The following WWOX variants were observed in gnomAD, a reference collection of about 807,000 sequenced individuals.
WWOX encodes the protein WW domain-containing oxidoreductase.
A neutral mutation model predicts 46.2 loss-of-function variants in WWOX; 69 were observed. The observed-to-expected ratio is 1.49, with a 90% confidence interval of 1.23 to 1.82. The LOEUF is 1.82. Ranked by LOEUF, WWOX falls within the 40% of genes most tolerant of loss-of-function variation. The pLI is 0.00. For synonymous variants in WWOX, 359 were observed against 202.6 expected (o/e 1.77, Z -6.56); for missense variants, 919 against 542.6 (o/e 1.69, Z -6.89).
rs1037076467 is a variant in WWOX at position 79,024,315 on chromosome 16, G to C, written c.1057-187293G>C. Among the ~76,000 whole-genome samples the C allele has an allele frequency of 4.6e-5, 7 of 152,214 alleles. No homozygotes were observed. The East Asian group carries it at 7.7e-4, about 17-fold the overall frequency. On this transcript the variant is annotated intron_variant, in intron 8 of 8. Coordinates refer to ENST00000566780, the MANE Select transcript of WWOX (RefSeq NM_016373.4). Reference sequence around the variant, plus strand: ...ACGCTGCTGCGTAGGTTGTGGTGCAGTGGCACAGTCACAGCTCACTGCAGC... The same window carrying C: ...ACGCTGCTGCGTAGGTTGTGGTGCACTGGCACAGTCACAGCTCACTGCAGC...
At chr16:78,710,711 C>T (rs1232827046) in intron 8 of WWOX, among the ~76,000 whole-genome samples, 1 of 151,050 alleles carries the variant, frequency 6.6e-6, no homozygotes, top group South Asian at 2.1e-4. Flanking sequence ...ACCTCCTGGG[C>T]TCAACTGATT....
intron 8 of WWOX, among the ~76,000 whole-genome samples, chr16:78,628,172 GCTTGGAATT>G (rs545061886): frequency 2.4e-3 from 368 of 152,300 alleles, no homozygotes; most frequent in African/African-American, 8.5e-3. Context: ...AAAGCTGGAT[GCTTGGAATT>G]GTCATGGCTG....
chr16:78,548,938 G>C (rs1248257929), intron 8 of WWOX, among the ~76,000 whole-genome samples: 1 of 152,102 alleles, frequency 6.6e-6, no homozygotes, highest in African/African-American at 2.4e-5. Flanking sequence ...GCCAAGTTTT[G>C]CCCCCCAAAT....
intron 5 of WWOX, among the ~76,000 whole-genome samples, chr16:78,244,884 T>C (rs1475190610): frequency 1.3e-5 from 2 of 152,082 alleles, no homozygotes; most frequent in African/African-American, 2.4e-5. Context: ...AGGGACATAT[T>C]CATAAAAAAG....
At chr16:79,144,921 A>G (rs1193746928) in intron 8 of WWOX, among the ~76,000 whole-genome samples, 1 of 152,170 alleles carries the variant, frequency 6.6e-6, no homozygotes, top group Non-Finnish European at 1.5e-5. Flanking sequence ...TATTGTAGGT[A>G]TGTATGTATA....
chr16:79,108,673 A>C (rs905531849), intron 8 of WWOX, among the ~76,000 whole-genome samples: 4 of 152,156 alleles, frequency 2.6e-5, no homozygotes, highest in Non-Finnish European at 4.4e-5. Context: ...AGGCTGAGGC[A>C]GGAGGATTGC....
At chr16:78,454,734 TGATC>T (rs2083776287) in intron 8 of WWOX, among the ~76,000 whole-genome samples, 1 of 152,174 alleles carries the variant, frequency 6.6e-6, no homozygotes, top group East Asian at 1.9e-4. Flanking sequence ...CAACGTCAGG[TGATC>T]CATCCTCCTC....
chr16:79,149,585 T>C (rs2050240035), intron 8 of WWOX, among the ~76,000 whole-genome samples: 1 of 152,158 alleles, frequency 6.6e-6, no homozygotes, highest in Admixed American at 6.5e-5. Flanking sequence ...CTCAAATGAG[T>C]CCCCATCAGC....
At chr16:78,290,538 T>C (rs1339031259) in intron 5 of WWOX, among the ~76,000 whole-genome samples, 1 of 152,128 alleles carries the variant, frequency 6.6e-6, no homozygotes, top group African/African-American at 2.4e-5. Context: ...AGGGACCGTA[T>C]TTATGAAGAG....
At chr16:78,842,164 G>A (rs1004462735) in intron 8 of WWOX, among the ~76,000 whole-genome samples, 11 of 152,010 alleles carry the variant, frequency 7.2e-5, no homozygotes. Context: ...ATTTTCAACC[G>A]ATTCAGCAGT....
intron 8 of WWOX, among the ~76,000 whole-genome samples, chr16:78,678,153 C>G (rs1014562044): frequency 2.0e-5 from 3 of 152,180 alleles, no homozygotes; most frequent in East Asian, 1.9e-4. Context: ...CTGCCTTGGT[C>G]TCTCCTGGGT....
In WWOX at chr16:78,756,405, A is replaced by C. The variant is rs930437507; in HGVS notation, c.1056+323653A>C. ...TAGGACAGAACTCCAGAGGACTCTT[A>C]AACATTATTCAGGAAGCTCTGAAGC... is the stretch of plus-strand genomic sequence containing the variant. On this transcript the variant is annotated intron_variant, in intron 8 of 8. Coordinates refer to ENST00000566780, the MANE Select transcript of WWOX (RefSeq NM_016373.4). 2.6e-5 allele frequency among the ~76,000 whole-genome samples: 4 copies of C among 152,168 alleles called. No homozygotes were observed. In the East Asian group the frequency reaches 5.8e-4, roughly 22 times the overall value.
intron 5 of WWOX, among the ~76,000 whole-genome samples, chr16:78,368,068 C>T (rs560415569): frequency 5.9e-5 from 9 of 152,210 alleles, no homozygotes; most frequent in Non-Finnish European, 7.4e-5. Context: ...CTGCCAGCTT[C>T]TCATTATGAT....
intron 8 of WWOX, among the ~76,000 whole-genome samples, chr16:78,638,337 C>T (rs1170881058): frequency 2.0e-5 from 3 of 152,172 alleles, no homozygotes; most frequent in African/African-American, 4.8e-5. Context: ...CTTTAAACCT[C>T]TCTATTCAGT....
At chr16:78,286,303 G>A (rs28566703) in intron 5 of WWOX, among the ~76,000 whole-genome samples, 16,466 of 152,222 alleles carry the variant, frequency 0.11, 1,170 homozygotes, top group Admixed American at 0.17. Context: ...GTTGCCCAGT[G>A]GGCGAAAAAT....
intron 8 of WWOX, among the ~76,000 whole-genome samples, chr16:78,821,294 G>A (rs2051485764): frequency 6.6e-6 from 1 of 152,120 alleles, no homozygotes; most frequent in African/African-American, 2.4e-5. Flanking sequence ...GCTTGCCCCA[G>A]GTTACACAGC....
At chr16:78,472,018 T>G (rs1015352254) in intron 8 of WWOX, among the ~76,000 whole-genome samples, 2 of 152,202 alleles carry the variant, frequency 1.3e-5, no homozygotes, top group African/African-American at 2.4e-5. Context: ...GCGAAGACAT[T>G]CCTTTGATTA....
At chr16:78,826,123 G>A (rs755923456) in intron 8 of WWOX, 3 of 282,562 alleles carry the variant, frequency 1.1e-5, no homozygotes, top group Non-Finnish European at 1.9e-5. Flanking sequence ...TGGGAGTCAA[G>A]ACAGGCCGAT....
At chr16:78,579,364 G>A (rs545165815) in intron 8 of WWOX, among the ~76,000 whole-genome samples, 4 of 152,250 alleles carry the variant, frequency 2.6e-5, no homozygotes, top group East Asian at 1.9e-4. Context: ...CTCCAAAGGC[G>A]AAGAGATGTC....
Sources: allele counts gnomAD v4.1 joint callset (sites outside exome capture counted in the v4.1 genomes callset), GRCh38; gene constraint gnomAD v4.1.1; transcripts MANE v1.5; gene names NCBI Gene and HGNC (gene_info 2026-07-23, HGNC 2026-07-21).